Variants in HTR3E observed in about 807,000 individuals in gnomAD.
The protein encoded by HTR3E is 5-hydroxytryptamine (serotonin) receptor 3, family member E.
HTR3E carries 38 observed loss-of-function variants against 38.0 expected under a neutral mutation model. The observed-to-expected ratio is 1.00, with a 90% confidence interval of 0.77 to 1.31. The LOEUF is 1.31. Among genes scored for constraint, HTR3E ranks in the 50% most tolerant of loss-of-function variants. The pLI is 0.00. For missense variants in HTR3E, 547 were observed against 585.2 expected (o/e 0.93, Z 0.67); for synonymous variants, 210 against 232.9 (o/e 0.90, Z 0.89).
chr3:184,105,330 T>C lies in HTR3E; in HGVS notation c.623T>C (p.Ile208Thr). The C allele has an allele frequency of 6.2e-7, 1 of 1,614,122 alleles. No homozygotes were observed. Among genetic ancestry groups the C allele is most frequent in the Non-Finnish European group, 8.5e-7 (1 of 1,180,022 alleles). Reference protein sequence around the residue: ...VWEITDASRNILQTHGEWELL... With the variant: ...VWEITDASRNTLQTHGEWELL... ...GAAATAACAGACGCATCCCGGAACATCCTTCAGACCCATGGAGAATGGGAG... is the reference window on the plus strand; with the variant it reads ...GAAATAACAGACGCATCCCGGAACACCCTTCAGACCCATGGAGAATGGGAG... The change falls in exon 6 of 9, where the codon ATC becomes ACC. Residue 208 changes from isoleucine to threonine, a missense_variant. Ile to Thr is a moderately conservative substitution (Grantham distance 89). Transcript: ENST00000415389.
At chr3:184,100,375 G>A in intron 1 of HTR3E, 110 bp from the exon 2 acceptor site, 1 of 1,613,720 alleles carries the variant, frequency 6.2e-7, no homozygotes, top group Non-Finnish European at 8.5e-7. Context: ...CTCAACAAAT[G>A]TTAGCTTTCA....
rs988662995 is a variant in HTR3E at position 184,105,955 on chromosome 3, G to C, written c.911G>C (p.Gly304Ala). 1 of 1,614,172 alleles carries C rather than the reference G, an allele frequency of 6.2e-7. No individual in the cohort carries two copies. Among genetic ancestry groups the C allele is most frequent in the East Asian group, 2.2e-5 (1 of 44,872 alleles). Residue 304 changes from glycine to alanine, a missense_variant, in exon 7 of 9, where the codon GGC becomes GCC. Gly to Ala is a moderately conservative substitution (Grantham distance 60). Coordinates refer to ENST00000415389, the MANE Select transcript of HTR3E (RefSeq NM_001256613.2). Reference protein sequence around the residue: ...LMMSDLLPTSGTPLIGVYFAL... With the variant: ...LMMSDLLPTSATPLIGVYFAL... ...ATGAGTGACTTGCTCCCCACCAGTGGCACCCCCCTCATCGGTATGGCTCCT... is the reference window on the plus strand; with the variant it reads ...ATGAGTGACTTGCTCCCCACCAGTGCCACCCCCCTCATCGGTATGGCTCCT...
In HTR3E at chr3:184,106,059, G is replaced by T; in HGVS notation, c.926-69G>T. The T allele has an allele frequency of 1.9e-6, 3 of 1,601,364 alleles. No homozygotes were observed. Among genetic ancestry groups the T allele is most frequent in the Non-Finnish European group, 2.6e-6 (3 of 1,171,944 alleles). On this transcript the variant is annotated intron_variant, in intron 7 of 8. Coordinates refer to ENST00000415389, the MANE Select transcript of HTR3E (RefSeq NM_001256613.2). This position sits in a 1 kb window ranked among gnomAD's most constrained non-coding sequence, Gnocchi z 4.1. Reference sequence around the variant, plus strand: ...GAAAAAGGAGGCCGTATGCCTGCCAGGGTGGGATTGGAAGAGAAGAAATTC... The same window carrying T: ...GAAAAAGGAGGCCGTATGCCTGCCATGGTGGGATTGGAAGAGAAGAAATTC...
At chr3:184,103,905 T>C (rs1712239736) in intron 3 of HTR3E, among the ~76,000 whole-genome samples, 1 of 152,018 alleles carries the variant, frequency 6.6e-6, no homozygotes, top group Non-Finnish European at 1.5e-5. Flanking sequence ...CTAACCTCAC[T>C]CTCAAAGTGT....
chr3:184,105,773 C>G lies in HTR3E; in HGVS notation c.729C>G (p.Ile243Met), dbSNP rs751951222. 5 of 1,613,994 alleles carry G rather than the reference C, an allele frequency of 3.1e-6. No homozygotes were observed. Among genetic ancestry groups the G allele is most frequent in the Non-Finnish European group, 4.2e-6 (5 of 1,179,872 alleles). Reference sequence around the variant, plus strand: ...CTCTCCTACCCCACCAGGTGGCCATCAGGCGCAGGCCCAGTCTCTATGTCA... The same window carrying G: ...CTCTCCTACCCCACCAGGTGGCCATGAGGCGCAGGCCCAGTCTCTATGTCA... ...LYDQIVFYVA[I>M]RRRPSLYVIN... Residue 243 changes from isoleucine to methionine, a missense_variant, in exon 7 of 9, where the codon ATC becomes ATG. Ile to Met is a conservative substitution (Grantham distance 10, BLOSUM62 1). Coordinates refer to ENST00000415389, the MANE Select transcript of HTR3E (RefSeq NM_001256613.2).
chr3:184,106,154 C>T lies in HTR3E; in HGVS notation c.952C>T (p.Leu318=), dbSNP rs752491087. Residue 318 remains leucine, a synonymous_variant, in exon 8 of 9, where the codon CTG becomes TTG. Transcript: ENST00000415389. This position sits in a 1 kb window ranked among gnomAD's most constrained non-coding sequence, Gnocchi z 4.1. ...TGTCTACTTCGCCCTGTGCCTGTCC[C>T]TGATGGTGGGCAGCCTGCTGGAGAC... ...IGVYFALCLS[L]MVGSLLETIF... The T allele has an allele frequency of 2.5e-6, 4 of 1,613,176 alleles. No homozygotes were observed. Among genetic ancestry groups the T allele is most frequent in the African/African-American group, 2.7e-5 (2 of 74,984 alleles).
chr3:184,104,624 G>T (rs1246799381), intron 4 of HTR3E, among the ~76,000 whole-genome samples, 163 bp from the exon 5 acceptor site: 1 of 150,582 alleles, frequency 6.6e-6, no homozygotes, highest in East Asian at 1.9e-4. Flanking sequence ...GGCTGAGACA[G>T]GAGGATCATT....
At chr3:184,105,004 C>T in intron 5 of HTR3E, 48 bp downstream of exon 5, 2 of 1,540,786 alleles carry the variant, frequency 1.3e-6, no homozygotes, top group Non-Finnish European at 1.8e-6. Context: ...GAGCAACCAA[C>T]AAATATAAAG....
intron 1 of HTR3E, among the ~76,000 whole-genome samples, chr3:184,099,492 A>G (rs897077782): frequency 2.0e-5 from 3 of 151,936 alleles, no homozygotes; most frequent in Non-Finnish European, 4.4e-5. Context: ...AGGCGGGTGG[A>G]TCATGAAGTC....
rs761825260 is a variant in HTR3E, at chr3:184,101,465, A to G, written c.235-20A>G. On this transcript the variant is annotated intron_variant, in intron 2 of 8. Transcript: ENST00000415389. ...ACTTCTTACTGGCAACATGATGGAA[A>G]TAGGAAATTCTTTTGGCAGAATGAA... is the stretch of plus-strand genomic sequence containing the variant. 1 of 1,611,542 alleles carries G rather than the reference A, an allele frequency of 6.2e-7. No individual in the cohort carries two copies. Among genetic ancestry groups the G allele is most frequent in the Admixed American group, 1.7e-5 (1 of 60,010 alleles).
chr3:184,097,507 A>G lies in HTR3E; in HGVS notation c.-23A>G. On this transcript the variant is annotated 5_prime_UTR_variant, in exon 1 of 9. Transcript: ENST00000415389. ...CATTCCTGGGTCCCAGTACATGTTCAGAGAAGAACTTAGACAAAGAAGATG... is the reference window on the plus strand; with the variant it reads ...CATTCCTGGGTCCCAGTACATGTTCGGAGAAGAACTTAGACAAAGAAGATG... 2 of 1,528,240 alleles carry G rather than the reference A, an allele frequency of 1.3e-6. No individual in the cohort carries two copies. Among genetic ancestry groups the G allele is most frequent in the Non-Finnish European group, 1.8e-6 (2 of 1,139,768 alleles). The allele number at this position is 1,528,240 out of a possible 1,614,324, so 94.7% of individuals were successfully genotyped here. A position where few individuals can be genotyped will look rare whatever the true frequency, so the allele number is the denominator to read the frequency against.
At chr3:184,101,754 C>T (rs1206047951) in intron 3 of HTR3E, among the ~76,000 whole-genome samples, 1 of 152,150 alleles carries the variant, frequency 6.6e-6, no homozygotes, top group African/African-American at 2.4e-5. Context: ...CTTTGGGAGG[C>T]CGAGGTGGGC....
In HTR3E at chr3:184,104,693, G is replaced by C. The variant is rs191176410; in HGVS notation, c.390-94G>C. 4.3e-6 allele frequency: 5 copies of C among 1,158,166 alleles called. No homozygotes were observed. The South Asian group carries it at 6.3e-5, about 15-fold the overall frequency. 71.7% of individuals were successfully genotyped at this position (1,158,166 alleles called of 1,614,324 possible). On this transcript the variant is annotated intron_variant, in intron 4 of 8. Coordinates refer to ENST00000415389, the MANE Select transcript of HTR3E (RefSeq NM_001256613.2). ...GAGCATGCCACTCTACTCCAGCCTG[G>C]GTGACAGAGCAAGATCCTGTCTCAA...
chr3:184,105,487 T>G, intron 6 of HTR3E, 60 bp downstream of exon 6: 1 of 1,525,928 alleles, frequency 6.6e-7, no homozygotes, highest in Non-Finnish European at 8.8e-7. Context: ...GCCTAGAATG[T>G]CCATCAAATA....
chr3:184,099,315 C>T (rs1711838173), intron 1 of HTR3E, among the ~76,000 whole-genome samples: 1 of 151,250 alleles, frequency 6.6e-6, no homozygotes, highest in African/African-American at 2.4e-5. Flanking sequence ...GGGAAGATCC[C>T]CTAAGCCCAG....
chr3:184,105,960 C>A lies in HTR3E; in HGVS notation c.916C>A (p.Pro306Thr), dbSNP rs745452347. 1 of 1,614,164 alleles carries A rather than the reference C, an allele frequency of 6.2e-7. No homozygotes were observed. ...MSDLLPTSGT[P>T]LIGVYFALCL... ...TGACTTGCTCCCCACCAGTGGCACC[C>A]CCCTCATCGGTATGGCTCCTCCCAC... Residue 306 changes from proline (P) to threonine (T), a missense_variant, in exon 7 of 9, where the codon CCC becomes ACC. By Grantham distance (38) the Pro-to-Thr change is conservative. Coordinates refer to ENST00000415389, the MANE Select transcript of HTR3E (RefSeq NM_001256613.2).
At position 184,106,078 on chromosome 3, in the gene HTR3E, G is replaced by A; in HGVS notation, c.926-50G>A. 6.2e-7 allele frequency: 1 copy of A among 1,612,802 alleles called. No individual in the cohort carries two copies. The highest frequency in any genetic ancestry group is 8.5e-7 in the Non-Finnish European group (1 of 1,178,994). On this transcript the variant is annotated intron_variant, in intron 7 of 8. Coordinates refer to ENST00000415389, the MANE Select transcript of HTR3E (RefSeq NM_001256613.2). This position sits in a 1 kb window ranked among gnomAD's most constrained non-coding sequence, Gnocchi z 4.1. Reference sequence around the variant, plus strand: ...CTGCCAGGGTGGGATTGGAAGAGAAGAAATTCTAGGTGGTGCCTCTGGCCC... The same window carrying A: ...CTGCCAGGGTGGGATTGGAAGAGAAAAAATTCTAGGTGGTGCCTCTGGCCC...
At chr3:184,102,902 G>C (rs1712143839) in intron 3 of HTR3E, among the ~76,000 whole-genome samples, 1 of 151,640 alleles carries the variant, frequency 6.6e-6, no homozygotes, top group African/African-American at 2.4e-5. Context: ...TCCAGCTTAG[G>C]CTACAGAGTG....
intron 1 of HTR3E, among the ~76,000 whole-genome samples, chr3:184,098,796 G>A (rs1711800256): frequency 6.6e-6 from 1 of 152,166 alleles, no homozygotes; most frequent in Non-Finnish European, 1.5e-5. Flanking sequence ...TGTAATCCCA[G>A]CACTTGGGAC....
Sources: gnomAD v4.1 joint callset for allele counts (sites outside exome capture counted in the v4.1 genomes callset) on GRCh38, gnomAD v4.1.1 for gene constraint, Gnocchi (gnomAD v3.1) non-coding constraint, MANE v1.5 for transcripts, NCBI Gene and HGNC (gene_info 2026-07-23, HGNC 2026-07-21) for gene names.